TNRC6B: variants seen among roughly 807,000 people sequenced by gnomAD.
TNRC6B encodes trinucleotide repeat-containing gene 6B protein.
A neutral mutation model predicts 203.6 loss-of-function variants in TNRC6B; 52 were observed. The observed-to-expected ratio is 0.26, with a 90% confidence interval of 0.20 to 0.32. TNRC6B has a LOEUF of 0.32. Ranked by LOEUF, TNRC6B falls within the 10% of genes least tolerant of loss-of-function variation. The probability of loss-of-function intolerance (pLI) is 1.00; values close to 1 mark genes in which losing one functional copy is unlikely to be tolerated. For synonymous variants in TNRC6B, 838 were observed against 845.7 expected (o/e 0.99, Z 0.16); for missense variants, 1,923 against 2,286.2 (o/e 0.84, Z 3.24).
intron 3 of TNRC6B, among the ~76,000 whole-genome samples, chr22:40,149,269 A>C (rs1231227405): frequency 6.6e-6 from 1 of 152,216 alleles, no homozygotes; most frequent in Admixed American, 6.5e-5. Flanking sequence ...GAAAAAGAGT[A>C]CATACTGTTT....
At chr22:40,214,195 G>A (rs1601889562) in intron 1 of TNRC6B, among the ~76,000 whole-genome samples, 1 of 152,048 alleles carries the variant, frequency 6.6e-6, no homozygotes, top group South Asian at 2.1e-4. Context: ...TGAACCCAGG[G>A]GGCAGAGGTT....
At chr22:40,101,247 C>T (rs1323322009) in intron 1 of TNRC6B, among the ~76,000 whole-genome samples, 1 of 152,172 alleles carries the variant, frequency 6.6e-6, no homozygotes, top group Non-Finnish European at 1.5e-5. Context: ...CCACCTCGGT[C>T]TCCCAAAGTG....
chr22:40,187,655 A>G (rs1217208552), intron 1 of TNRC6B, among the ~76,000 whole-genome samples: 1 of 152,020 alleles, frequency 6.6e-6, no homozygotes, highest in East Asian at 1.9e-4. Context: ...TGTGTGGTGG[A>G]GGTGTGAGGT....
chr22:40,139,074 CTG>C (rs2068623832), intron 3 of TNRC6B, among the ~76,000 whole-genome samples: 1 of 152,168 alleles, frequency 6.6e-6, no homozygotes, highest in African/African-American at 2.4e-5. Context: ...CAAAAAGAAA[CTG>C]TATCCATTAG....
Position 40,266,467 on chromosome 22 carries a change from A to C in TNRC6B, c.2237A>C (p.Lys746Thr), listed in dbSNP as rs1211274406. The change falls in exon 5 of 23, where the codon AAG (lysine) becomes ACG (threonine). Residue 746 changes from lysine to threonine, a missense_variant. Lys to Thr is a moderately conservative substitution (Grantham distance 78). Coordinates refer to ENST00000454349, the MANE Select transcript of TNRC6B (RefSeq NM_001162501.2). The part of the protein sequence containing the change: ...RQPNQGWSSG[K>T]NGWGEEVDQT... ...CCCAATCAAGGATGGTCTTCTGGAA[A>C]GAATGGTTGGGGGGAGGAAGTCGAT... 6.2e-7 allele frequency: 1 copy of C among 1,613,874 alleles called. No individual in the cohort carries two copies. Among genetic ancestry groups the C allele is most frequent in the Non-Finnish European group, 8.5e-7 (1 of 1,179,814 alleles).
rs1451338206 is a variant in TNRC6B, at chr22:40,308,525, C to T, written c.4134C>T (p.Gly1378=). The T allele has an allele frequency of 9.9e-6, 16 of 1,613,820 alleles. No homozygotes were observed. Among genetic ancestry groups the T allele is most frequent in the African/African-American group, 2.7e-5 (2 of 74,890 alleles). Residue 1378 remains glycine (G), a synonymous_variant, in exon 16 of 23, where the codon GGC becomes GGT. Transcript: ENST00000454349. ...IPGYGSGFSS[G]GMDYGMVGGK... ...TCTCCTTTTTAGGCTTCAGCTCTGG[C>T]GGCATGGACTATGGCATGGTTGGTG...
chr22:40,143,595 T>C (rs969148966), intron 3 of TNRC6B, among the ~76,000 whole-genome samples: 17 of 152,168 alleles, frequency 1.1e-4, no homozygotes, highest in Non-Finnish European at 1.6e-4. Flanking sequence ...GTTCACTTCA[T>C]TCTCCTGCCT....
At chr22:40,198,754 T>C (rs1435316068) in intron 1 of TNRC6B, among the ~76,000 whole-genome samples, 5 of 152,092 alleles carry the variant, frequency 3.3e-5, no homozygotes, top group Non-Finnish European at 1.5e-5. Flanking sequence ...CCGATAAAAA[T>C]AGCAATAAAA....
At chr22:40,141,397 T>C (rs1242746205) in intron 3 of TNRC6B, among the ~76,000 whole-genome samples, 1 of 151,548 alleles carries the variant, frequency 6.6e-6, no homozygotes. Flanking sequence ...GTAGAGACCA[T>C]GCTGCCCCCA....
At chr22:40,087,033 A>G (rs2068106822) in intron 1 of TNRC6B, among the ~76,000 whole-genome samples, 1 of 152,080 alleles carries the variant, frequency 6.6e-6, no homozygotes, top group Admixed American at 6.6e-5. Context: ...TGGCATTTTT[A>G]GGAGGGCCTG....
intron 1 of TNRC6B, among the ~76,000 whole-genome samples, chr22:40,195,918 C>T (rs1018036483): frequency 1.3e-5 from 2 of 152,026 alleles, no homozygotes; most frequent in African/African-American, 2.4e-5. Context: ...TACAGGCGCC[C>T]GCCACCACGC....
upstream of TNRC6B, among the ~76,000 whole-genome samples, chr22:40,174,613 AGATCACGAGGT>A (rs564136462): frequency 6.6e-6 from 1 of 152,204 alleles, no homozygotes; most frequent in East Asian, 1.9e-4. Flanking sequence ...TGAGGCCGGC[AGATCACGAGGT>A]GATCACGAGG....
In TNRC6B at chr22:40,190,923, C is replaced by T. The variant is rs141281087; in HGVS notation, c.5+12783C>T. Among the ~76,000 whole-genome samples, 412 of 152,274 alleles carry T rather than the reference C, an allele frequency of 2.7e-3. 2 individuals are homozygous for T. The highest frequency in any genetic ancestry group is 8.2e-3 in the African/African-American group (339 of 41,562). ...TATTTATTGAACAAATCTAATGTGTCGAGCACTGTATAGTGCTGGAAACAA... is the reference window on the plus strand; with the variant it reads ...TATTTATTGAACAAATCTAATGTGTTGAGCACTGTATAGTGCTGGAAACAA... On this transcript the variant is annotated intron_variant, in intron 1 of 22. Coordinates refer to ENST00000454349, the MANE Select transcript of TNRC6B (RefSeq NM_001162501.2).
intron 1 of TNRC6B, among the ~76,000 whole-genome samples, chr22:40,095,097 T>C (rs184009456): frequency 6.6e-6 from 1 of 152,324 alleles, no homozygotes; most frequent in East Asian, 1.9e-4. Flanking sequence ...ACAATTATAT[T>C]ACCACAAAGA....
chr22:40,201,433 T>C (rs2053769354), intron 1 of TNRC6B, among the ~76,000 whole-genome samples: 1 of 151,850 alleles, frequency 6.6e-6, no homozygotes, highest in Non-Finnish European at 1.5e-5. Context: ...TCTTTTTCTT[T>C]TTCTTTTTTG....
intron 11 of TNRC6B, among the ~76,000 whole-genome samples, chr22:40,284,056 C>T (rs758910203): frequency 3.3e-5 from 5 of 152,124 alleles, no homozygotes; most frequent in Admixed American, 6.5e-5. Flanking sequence ...ATCAGGGTGG[C>T]GAAGCTACTG....
At chr22:40,299,799 ACTT>A (rs898441804) in intron 12 of TNRC6B, among the ~76,000 whole-genome samples, 2 of 152,132 alleles carry the variant, frequency 1.3e-5, no homozygotes, top group African/African-American at 2.4e-5. Context: ...AGGGAAACTC[ACTT>A]CTTCTTACTT....
intron 1 of TNRC6B, among the ~76,000 whole-genome samples, chr22:40,102,427 G>A (rs1297578573): frequency 1.3e-5 from 2 of 152,178 alleles, no homozygotes; most frequent in Non-Finnish European, 2.9e-5. Flanking sequence ...TATTTAGTAT[G>A]TGACATTTAA....
chr22:40,246,087 A>G lies in TNRC6B; in HGVS notation c.78A>G (p.Lys26=). The change falls in exon 2 of 23, where the codon AAA becomes AAG. Residue 26 remains lysine, a synonymous_variant. Transcript: ENST00000454349. ...KKRKKEDKKK[K]EATQKVTEQK... ...GGAAGAAAGAGGATAAAAAGAAAAA[A>G]GAAGCCACTCAGAAGGTAGGTTTAA... 6.5e-7 allele frequency: 1 copy of G among 1,548,886 alleles called. No individual in the cohort carries two copies. Among genetic ancestry groups the G allele is most frequent in the African/African-American group, 1.4e-5 (1 of 72,890 alleles).
Sources: allele counts gnomAD v4.1 joint callset (sites outside exome capture counted in the v4.1 genomes callset), GRCh38; gene constraint gnomAD v4.1.1; transcripts MANE v1.5; gene names NCBI Gene and HGNC (gene_info 2026-07-23, HGNC 2026-07-21).